NTN1: variants seen among roughly 807,000 people sequenced by gnomAD.
NTN1 encodes the protein netrin 1, also known as netrin-1.
Under a neutral mutation model 54.2 loss-of-function variants are expected in NTN1, and 11 were observed. The observed-to-expected ratio is 0.20, with a 90% CI of 0.13 to 0.34. NTN1 has a LOEUF of 0.34. NTN1 is among the 10% of genes least tolerant of loss of function. The pLI, the probability that NTN1 is intolerant of heterozygous loss-of-function variation, is 1.00. For synonymous variants in NTN1, 371 were observed against 382.0 expected, an observed-to-expected ratio of 0.97 and a Z score of 0.33; for missense variants, 740 against 893.1, an observed-to-expected ratio of 0.83 and a Z score of 2.18.
chr17:9,223,799 A>G (rs1905445840), intron 6 of NTN1, among the ~76,000 whole-genome samples: 2 of 152,164 alleles, frequency 1.3e-5, no homozygotes, highest in Non-Finnish European at 2.9e-5. Context: ...CGGTGGGCCC[A>G]GAGGAGTTAA....
chr17:9,218,363 T>A (rs1905258076), intron 5 of NTN1, among the ~76,000 whole-genome samples: 1 of 152,118 alleles, frequency 6.6e-6, no homozygotes, highest in Non-Finnish European at 1.5e-5. Context: ...TCATCAACCG[T>A]GAGAACAGTG....
At chr17:9,112,055 C>T (rs2092193224) in intron 2 of NTN1, among the ~76,000 whole-genome samples, 1 of 152,140 alleles carries the variant, frequency 6.6e-6, no homozygotes, top group Admixed American at 6.5e-5. Context: ...AAACAGATAA[C>T]GGGTGTTCAA....
chr17:9,013,281 A>C, the NTN1 span, among the ~76,000 whole-genome samples: 1 of 147,928 alleles, frequency 6.8e-6, no homozygotes, highest in Admixed American at 6.8e-5. Context: ...CAATGGTGCA[A>C]TCTCGGCTCA....
chr17:9,164,379 C>T (rs1200555041), intron 3 of NTN1, among the ~76,000 whole-genome samples: 3 of 150,812 alleles, frequency 2.0e-5, no homozygotes, highest in Admixed American at 6.6e-5. Flanking sequence ...GAGCCAAGAT[C>T]GCGCCACCGC....
chr17:9,114,166 A>AAAAT lies in NTN1; in HGVS notation c.1019-48646_1019-48645insAATA, dbSNP rs1555569108. Among the ~76,000 whole-genome samples the AAAAT allele has an allele frequency of 2.5e-3, 183 of 74,604 alleles. 3 individuals carry two copies. The highest frequency in any genetic ancestry group is 9.7e-3 in the African/African-American group (167 of 17,164). The allele number at this position is 74,604 out of a possible 152,430, so 48.9% of individuals were successfully genotyped here. ...GCCAAAAAAAAAGAAAAAAAAAAAAAATATATATATATATATATATGATTC... is the reference window on the plus strand; with the variant it reads ...GCCAAAAAAAAAGAAAAAAAAAAAAAAAATATATATATATATATATATATGATTC... On this transcript the variant is annotated intron_variant, in intron 2 of 6. Transcript: ENST00000173229.
At chr17:9,144,104 C>T (rs7502007) in intron 2 of NTN1, among the ~76,000 whole-genome samples, 3,422 of 152,154 alleles carry the variant, frequency 0.022, 138 homozygotes, top group African/African-American at 0.078. Flanking sequence ...CCATGTTGGC[C>T]AGGCTGATCT....
At chr17:9,028,838 A>C (rs2091879847) in intron 2 of NTN1, among the ~76,000 whole-genome samples, 1 of 152,212 alleles carries the variant, frequency 6.6e-6, no homozygotes, top group Non-Finnish European at 1.5e-5. Context: ...TCTGCAATGC[A>C]CACTGCCTTT....
chr17:9,072,698 A>G lies in NTN1; in HGVS notation c.1018+49307A>G, dbSNP rs929258368. ...GGCAGGGGTGGGAATAAGCGGGAGG[A>G]GAAGATAGGCTAAAGAATGAAAAGC... On this transcript the variant is annotated intron_variant, in intron 2 of 6. Transcript: ENST00000173229. Among the ~76,000 whole-genome samples, 20 of 152,220 alleles carry G rather than the reference A, an allele frequency of 1.3e-4. No homozygotes were observed. In the Middle Eastern group the frequency reaches 0.01, roughly 78 times the overall value.
At chr17:9,216,492 A>G (rs1265438504) in intron 5 of NTN1, among the ~76,000 whole-genome samples, 1 of 152,086 alleles carries the variant, frequency 6.6e-6, no homozygotes, top group Admixed American at 6.5e-5. Context: ...TGTGACAGCA[A>G]CTTTATGGTC....
At chr17:9,227,994 C>T (rs1905657610) in intron 6 of NTN1, among the ~76,000 whole-genome samples, 1 of 152,158 alleles carries the variant, frequency 6.6e-6, no homozygotes, top group South Asian at 2.1e-4. Context: ...CCCAGCCTCC[C>T]CTCCACACTC....
rs1177707494 is a variant in NTN1, at chr17:9,239,901, A to C, written c.1748A>C (p.Asp583Ala). Residue 583 changes from aspartate to alanine, a missense_variant, in exon 7 of 7, where the codon GAC (aspartate) becomes GCC (alanine). Transcript: ENST00000173229. This position sits in a 1 kb window ranked among gnomAD's most constrained non-coding sequence, Gnocchi z 5.2. ...DKSSLVIQWR[D>A]TWARRLRKFQ... ...AGCAGCCTGGTGATCCAGTGGCGGG[A>C]CACGTGGGCGCGGCGGCTGCGCAAG... is the stretch of plus-strand genomic sequence containing the variant. The C allele has an allele frequency of 3.4e-6, 5 of 1,465,060 alleles. No individual in the cohort carries two copies. In the Admixed American group the frequency reaches 7.4e-5, roughly 22 times the overall value. 90.8% of individuals were successfully genotyped at this position (1,465,060 alleles called of 1,614,324 possible). A position where few individuals can be genotyped will look rare whatever the true frequency, so the allele number is the denominator to read the frequency against.
chr17:9,168,983 G>A (rs2092380172), intron 3 of NTN1, among the ~76,000 whole-genome samples: 1 of 152,222 alleles, frequency 6.6e-6, no homozygotes, highest in Admixed American at 6.5e-5. Flanking sequence ...CCTACTGGGA[G>A]AAACTGACAC....
intron 2 of NTN1, among the ~76,000 whole-genome samples, chr17:9,074,323 AGG>A (rs2092042148): frequency 6.6e-6 from 1 of 152,192 alleles, no homozygotes; most frequent in African/African-American, 2.4e-5. Flanking sequence ...ATTCTCATCA[AGG>A]GTCACTGAGC....
rs1187116379 is a variant in NTN1 at position 9,211,775 on chromosome 17, T to A, written c.1412-9393T>A. Among the ~76,000 whole-genome samples the A allele has an allele frequency of 6.6e-6, 1 of 152,250 alleles. No homozygotes were observed. Among genetic ancestry groups the A allele is most frequent in the African/African-American group, 2.4e-5 (1 of 41,478 alleles). The stretch of plus-strand genomic sequence containing the variant: ...GTTGGTTTATGTTTTGTTTCTTTGA[T>A]AATTTGAGATTGAACATGGGTGCAT... On this transcript the variant is annotated intron_variant, in intron 5 of 6. Transcript: ENST00000173229. The surrounding 1 kb of genome is among the most constrained non-coding windows in gnomAD (Gnocchi z 4.4).
At chr17:9,057,657 T>C (rs2091983555) in intron 2 of NTN1, among the ~76,000 whole-genome samples, 1 of 152,208 alleles carries the variant, frequency 6.6e-6, no homozygotes, top group African/African-American at 2.4e-5. Flanking sequence ...AACATCTCCT[T>C]TAAACCATCA....
rs112456479 is a variant in NTN1 at position 9,221,491 on chromosome 17, G to C, written c.1486+249G>C. On this transcript the variant is annotated intron_variant, in intron 6 of 6. Coordinates refer to ENST00000173229, the MANE Select transcript of NTN1 (RefSeq NM_004822.3). The surrounding 1 kb of genome is among the most constrained non-coding windows in gnomAD (Gnocchi z 4.5). ...CACCCTCCTGAGGCTGGGACACCCA[G>C]GCTGGCCTCTGGCTTTGACTCTGCC... Among the ~76,000 whole-genome samples the C allele has an allele frequency of 3.8e-3, 581 of 152,352 alleles. 3 individuals are homozygous for C. The highest frequency in any genetic ancestry group is 0.013 in the African/African-American group (553 of 41,588).
intron 2 of NTN1, among the ~76,000 whole-genome samples, chr17:9,072,924 T>A (rs1030002475): frequency 6.6e-6 from 1 of 152,212 alleles, no homozygotes; most frequent in Non-Finnish European, 1.5e-5. Flanking sequence ...ACTGTTTACT[T>A]TTTTCTTCCT....
At chr17:9,098,859 T>C (rs2092140352) in intron 2 of NTN1, among the ~76,000 whole-genome samples, 1 of 152,246 alleles carries the variant, frequency 6.6e-6, no homozygotes, top group African/African-American at 2.4e-5. Context: ...AAACAATGTG[T>C]ATTAATTTTA....
intron 5 of NTN1, chr17:9,183,488 C>T (rs1025584862): frequency 3.5e-5 from 13 of 376,714 alleles, no homozygotes; most frequent in Admixed American, 2.2e-4. Context: ...CCGCAGCATG[C>T]GGCCAAGCCT....
Sources: gnomAD v4.1 joint callset for allele counts (sites outside exome capture counted in the v4.1 genomes callset) on GRCh38, gnomAD v4.1.1 for gene constraint, Gnocchi (gnomAD v3.1) non-coding constraint, MANE v1.5 for transcripts, NCBI Gene and HGNC (gene_info 2026-07-23, HGNC 2026-07-21) for gene names.